Variants in ITPRID1 observed in about 807,000 individuals in gnomAD.
ITPRID1 encodes the protein protein ITPRID1.
A neutral mutation model predicts 95.4 loss-of-function variants in ITPRID1; 96 were observed. That is an observed-to-expected ratio of 1.01 (90% CI 0.85 to 1.19). The LOEUF (loss-of-function observed/expected upper bound fraction) is 1.19. ITPRID1 is among the 50% of genes most tolerant of loss of function. The pLI, the probability that ITPRID1 is intolerant of heterozygous loss-of-function variation, is 0.00. For synonymous variants in ITPRID1, 510 were observed against 453.6 expected, an observed-to-expected ratio of 1.12 and a Z score of -1.58; for missense variants, 1,339 against 1,252.9, an observed-to-expected ratio of 1.07 and a Z score of -1.04.
rs2191332 is a variant in ITPRID1 at position 31,656,200 on chromosome 7, T to C, written c.*3371T>C. The C allele has an allele frequency of 0.76, 166,926 of 220,308 alleles. 63,438 individuals carry two copies. The highest frequency in any genetic ancestry group is 0.82 in the East Asian group (4,484 of 5,462). 13.6% of individuals were successfully genotyped at this position (220,308 alleles called of 1,614,324 possible). A position where few individuals can be genotyped will look rare whatever the true frequency, so the allele number is the denominator to read the frequency against. ...TTATCTGTGTAGGTCATATCTTCTC[T>C]AGTAAACTTAAAGCTATTTGAGGAC... On this transcript the variant is annotated 3_prime_UTR_variant, in exon 15 of 15. Coordinates refer to ENST00000615280, the MANE Select transcript of ITPRID1 (RefSeq NM_001257967.3).
chr7:31,651,232 C>T lies in ITPRID1; in HGVS notation c.2674C>T (p.Gln892Ter). 6.2e-7 allele frequency: 1 copy of T among 1,613,544 alleles called. No individual in the cohort carries two copies. Among genetic ancestry groups the T allele is most frequent in the Non-Finnish European group, 8.5e-7 (1 of 1,179,588 alleles). The change falls in exon 13 of 15, where the codon CAG becomes TAG. Residue 892 changes from glutamine (Q) to a stop codon, truncating the protein, a stop_gained. Transcript: ENST00000615280. LOFTEE classifies it high-confidence loss of function. ...AATTGAACAGCACCTTATGGGACAG[C>T]AGGCCCTCTTTTCCAGGGACATGTC... ...EEIEQHLMGQ[Q>*]ALFSRDMSEE...
At position 31,578,068 on chromosome 7, in the gene ITPRID1, T is replaced by C. The variant is rs111332081; in HGVS notation, c.804T>C (p.Asp268=). The C allele has an allele frequency of 4.5e-5, 72 of 1,613,784 alleles. No homozygotes were observed. The African/African-American group carries it at 6.7e-4, about 15-fold the overall frequency. ...CTTCCAAACAGAACATCAGGCGGGA[T>C]TGTAACCCAGAGGTATCAGAGTCCT... ...RRASKQNIRR[D]CNPEVSESFK... Residue 268 remains aspartate (D), a synonymous_variant, in exon 9 of 15, where the codon GAT becomes GAC. Coordinates refer to ENST00000615280, the MANE Select transcript of ITPRID1 (RefSeq NM_001257967.3).
chr7:31,585,206 T>C lies in ITPRID1; in HGVS notation c.1228+2015T>C, dbSNP rs375861234. ...CACAGAGTCAGGAGGTAGTAAATTG[T>C]TGTTTTAAACACATAAATGGAGGTA... On this transcript the variant is annotated intron_variant, in intron 10 of 14. Coordinates refer to ENST00000615280, the MANE Select transcript of ITPRID1 (RefSeq NM_001257967.3). Among the ~76,000 whole-genome samples the C allele has an allele frequency of 3.9e-5, 6 of 152,350 alleles. No homozygotes were observed. In the South Asian group the frequency reaches 6.2e-4, roughly 16 times the overall value.
chr7:31,618,237 C>G (rs1316475899), intron 10 of ITPRID1, among the ~76,000 whole-genome samples: 1 of 152,222 alleles, frequency 6.6e-6, no homozygotes, highest in Non-Finnish European at 1.5e-5. Context: ...CCAGCCACCA[C>G]CCAATTTCTG....
At position 31,654,324 on chromosome 7, in the gene ITPRID1, G is replaced by C. The variant is rs991010381; in HGVS notation, c.*1495G>C. ...CCCAGATGTAGAGATAGCCAGTGCT[G>C]CTCAGTGCGGTGGGGCATGGAGATG... On this transcript the variant is annotated 3_prime_UTR_variant, in exon 15 of 15. Coordinates refer to ENST00000615280, the MANE Select transcript of ITPRID1 (RefSeq NM_001257967.3). 1.3e-5 allele frequency among the ~76,000 whole-genome samples: 2 copies of C among 152,178 alleles called. No individual in the cohort carries two copies. The highest frequency in any genetic ancestry group is 2.4e-5 in the African/African-American group (1 of 41,438).
In ITPRID1 at chr7:31,583,175, G is replaced by A. The variant is rs752123025; in HGVS notation, c.1212G>A (p.Met404Ile). The A allele has an allele frequency of 1.2e-6, 2 of 1,611,038 alleles. No individual in the cohort carries two copies. Among genetic ancestry groups the A allele is most frequent in the Admixed American group, 3.3e-5 (2 of 59,980 alleles). Residue 404 changes from methionine to isoleucine, a missense_variant, in exon 10 of 15, where the codon ATG becomes ATA. Physicochemically the swap from Met to Ile is conservative, Grantham distance 10. Transcript: ENST00000615280. Reference protein sequence around the residue: ...FEEETGNPLDMTSGTVGARVD... With the variant: ...FEEETGNPLDITSGTVGARVD... ...AAGAGACTGGTAATCCTCTTGACAT[G>A]ACTTCAGGAACTGTAGGTAAGAATT...
At chr7:31,619,836 G>A (rs1256005861) in intron 10 of ITPRID1, among the ~76,000 whole-genome samples, 1 of 152,172 alleles carries the variant, frequency 6.6e-6, no homozygotes, top group Non-Finnish European at 1.5e-5. Context: ...AAGGGGTCAG[G>A]GAGTTCCCTT....
chr7:31,539,979 C>T (rs1157675939), intron 1 of ITPRID1, among the ~76,000 whole-genome samples: 1 of 152,038 alleles, frequency 6.6e-6, no homozygotes, highest in Admixed American at 6.6e-5. Flanking sequence ...AGCCATTAGG[C>T]TGATGCCCTT....
intron 10 of ITPRID1, among the ~76,000 whole-genome samples, chr7:31,620,171 T>G (rs1189405578): frequency 6.6e-6 from 1 of 152,152 alleles, no homozygotes; most frequent in Non-Finnish European, 1.5e-5. Context: ...GCTCCACCTC[T>G]GGGGGCAGGG....
chr7:31,527,106 A>C (rs1783445438), intron 1 of ITPRID1, among the ~76,000 whole-genome samples: 1 of 152,146 alleles, frequency 6.6e-6, no homozygotes, highest in South Asian at 2.1e-4. Flanking sequence ...TCTTGACCTC[A>C]GACCTTTGCA....
chr7:31,614,801 A>G (rs1018416722), intron 10 of ITPRID1, among the ~76,000 whole-genome samples: 4 of 152,150 alleles, frequency 2.6e-5, no homozygotes, highest in African/African-American at 9.7e-5. Flanking sequence ...GAGAACAGTC[A>G]TGGATCATTT....
At chr7:31,612,945 AT>A (rs1786944253) in intron 10 of ITPRID1, among the ~76,000 whole-genome samples, 1 of 152,218 alleles carries the variant, frequency 6.6e-6, no homozygotes, top group Non-Finnish European at 1.5e-5. Flanking sequence ...CAGCTATAAT[AT>A]TAAACAATTA....
At chr7:31,622,305 T>A (rs568978480) in intron 10 of ITPRID1, among the ~76,000 whole-genome samples, 1 of 151,906 alleles carries the variant, frequency 6.6e-6, no homozygotes, top group East Asian at 1.9e-4. Context: ...AATATACATT[T>A]TTTTTTCAGC....
chr7:31,576,030 G>A (rs911870047), intron 8 of ITPRID1, among the ~76,000 whole-genome samples: 2 of 152,072 alleles, frequency 1.3e-5, no homozygotes, highest in African/African-American at 4.8e-5. Context: ...TCTTTATTTC[G>A]GGAGAATAAT....
At chr7:31,517,036 C>G (rs989490703) in intron 1 of ITPRID1, among the ~76,000 whole-genome samples, 17 of 152,218 alleles carry the variant, frequency 1.1e-4, no homozygotes, top group African/African-American at 4.1e-4. Flanking sequence ...GCTCTTAAAA[C>G]TGGTATGAAC....
At chr7:31,594,772 G>A (rs530002956) in intron 10 of ITPRID1, among the ~76,000 whole-genome samples, 55 of 152,020 alleles carry the variant, frequency 3.6e-4, no homozygotes, top group African/African-American at 1.3e-3. Flanking sequence ...CAGAAGAATC[G>A]CTCGAACTTG....
At chr7:31,606,674 A>T (rs1786640441) in intron 10 of ITPRID1, among the ~76,000 whole-genome samples, 1 of 152,228 alleles carries the variant, frequency 6.6e-6, no homozygotes, top group South Asian at 2.1e-4. Flanking sequence ...TCAAATATCA[A>T]TATCAAATAT....
intron 10 of ITPRID1, among the ~76,000 whole-genome samples, chr7:31,603,380 T>C (rs557272429): frequency 2.1e-4 from 32 of 151,852 alleles, no homozygotes; most frequent in Non-Finnish European, 4.0e-4. Context: ...ATTCTTTTAA[T>C]TATCACACCT....
At chr7:31,658,260 T>G, downstream of ITPRID1, 1 of 1,492,644 alleles carries the variant, frequency 6.7e-7, no homozygotes, top group Non-Finnish European at 8.8e-7. Context: ...TTAACACATA[T>G]TCTCTTATAG....
Sources: gnomAD v4.1 joint callset for allele counts (sites outside exome capture counted in the v4.1 genomes callset) on GRCh38, gnomAD v4.1.1 for gene constraint, MANE v1.5 for transcripts, NCBI Gene and HGNC (gene_info 2026-07-23, HGNC 2026-07-21) for gene names.